Variants in ATP2B1 observed in about 807,000 individuals in gnomAD.
The protein encoded by ATP2B1 is plasma membrane calcium-transporting ATPase 1.
ATP2B1 carries 14 observed loss-of-function variants against 124.2 expected under a neutral mutation model. The ratio of observed to expected loss-of-function variants is 0.11; its 90% CI spans 0.07 to 0.18. The LOEUF is 0.18. Ranked by LOEUF, ATP2B1 falls within the 10% of genes least tolerant of loss-of-function variation. ATP2B1 has a pLI of 1.00. For synonymous variants in ATP2B1, 449 were observed against 492.4 expected (o/e 0.91, Z 1.17); for missense variants, 763 against 1,466.1 (o/e 0.52, Z 7.83).
chr12:89,703,026 G>T (rs1444011454), intron 1 of ATP2B1, among the ~76,000 whole-genome samples: 1 of 152,146 alleles, frequency 6.6e-6, no homozygotes, highest in African/African-American at 2.4e-5. Context: ...TACAAGCTAT[G>T]ATTCCTAAAT....
chr12:89,646,205 G>A (rs1884433012), intron 2 of ATP2B1, among the ~76,000 whole-genome samples: 1 of 151,962 alleles, frequency 6.6e-6, no homozygotes, highest in South Asian at 2.1e-4. Context: ...GGAGGGAGGA[G>A]TTAATGGTTC....
intron 3 of ATP2B1, among the ~76,000 whole-genome samples, chr12:89,636,730 T>C (rs1882772566): frequency 6.6e-6 from 1 of 152,078 alleles, no homozygotes; most frequent in South Asian, 2.1e-4. Context: ...ATGGAAGACT[T>C]GACGTGAACA....
chr12:89,649,424 G>T (rs1401821313), intron 2 of ATP2B1, among the ~76,000 whole-genome samples: 1 of 152,230 alleles, frequency 6.6e-6, no homozygotes, highest in Non-Finnish European at 1.5e-5. Flanking sequence ...TGACTGTCCT[G>T]TTGGGTTTCA....
At chr12:89,639,436 G>A (rs768991032) in intron 3 of ATP2B1, among the ~76,000 whole-genome samples, 1 of 152,088 alleles carries the variant, frequency 6.6e-6, no homozygotes, top group Admixed American at 6.5e-5. Flanking sequence ...CCTTGGAGAT[G>A]GAGGTTGCAG....
chr12:89,675,798 T>C (rs1368486410), intron 1 of ATP2B1, among the ~76,000 whole-genome samples: 2 of 152,298 alleles, frequency 1.3e-5, no homozygotes, highest in African/African-American at 2.4e-5. Context: ...ATTCCAGTGA[T>C]AGGTGTTCTG....
chr12:89,609,745 T>C (rs1209012905), intron 15 of ATP2B1, among the ~76,000 whole-genome samples, 192 bp downstream of exon 15: 1 of 152,200 alleles, frequency 6.6e-6, no homozygotes, highest in Non-Finnish European at 1.5e-5. Context: ...TAGTCAGATT[T>C]CATGACATCA....
rs934915797 is a variant in ATP2B1 at position 89,590,270 on chromosome 12, GT to G, written c.*713del. The stretch of plus-strand genomic sequence containing the variant: ...ACTTCATTAGAACACCACTGCTCAT[GT>G]TTTTTTGTTTTGTTTTGTTTTTTTC... On this transcript the variant is annotated 3_prime_UTR_variant, in exon 21 of 21. Transcript: ENST00000428670. 1 of 152,210 alleles carries G rather than the reference GT, an allele frequency of 6.6e-6. No homozygotes were observed. The highest frequency in any genetic ancestry group is 6.6e-5 in the Admixed American group (1 of 15,224). 9.4% of individuals were successfully genotyped at this position (152,210 alleles called of 1,614,324 possible). A position where few individuals can be genotyped will look rare whatever the true frequency, so the allele number is the denominator to read the frequency against.
chr12:89,673,774 C>T (rs919918003), intron 1 of ATP2B1, among the ~76,000 whole-genome samples: 1 of 152,072 alleles, frequency 6.6e-6, no homozygotes, highest in African/African-American at 2.4e-5. Flanking sequence ...TGATTGAGGG[C>T]TGATGAGGTA....
chr12:89,671,596 A>AC (rs1430436928), intron 1 of ATP2B1, among the ~76,000 whole-genome samples: 1 of 152,112 alleles, frequency 6.6e-6, no homozygotes, highest in Non-Finnish European at 1.5e-5. Context: ...GAGGTAACTA[A>AC]CCGGTCTTTG....
intron 1 of ATP2B1, among the ~76,000 whole-genome samples, chr12:89,665,344 T>C (rs149583792): frequency 7.9e-5 from 12 of 152,316 alleles, no homozygotes; most frequent in East Asian, 5.8e-4. Context: ...TCTGAACATA[T>C]GTTAAATTAC....
At position 89,620,010 on chromosome 12, in the gene ATP2B1, T is replaced by G. The variant is rs1366541604; in HGVS notation, c.1818A>C (p.Ile606=). The change falls in exon 11 of 21, where the codon ATA becomes ATC. Residue 606 remains isoleucine, a synonymous_variant. Transcript: ENST00000428670. ...CATTTTACTCTTACTTTTTCAGAAT[T>G]ATCTCAGATGCACCCTTGCTGAATA... ...YRIFSKGASE[I]ILKKCFKILS... 3.7e-6 allele frequency: 6 copies of G among 1,613,794 alleles called. No homozygotes were observed. The South Asian group carries it at 5.5e-5, about 15-fold the overall frequency.
At chr12:89,598,436 A>G (rs776266009) in intron 20 of ATP2B1, among the ~76,000 whole-genome samples, 16 of 152,246 alleles carry the variant, frequency 1.1e-4, no homozygotes, top group Middle Eastern at 3.4e-3. Flanking sequence ...ATAAAACAAC[A>G]ACGACAACAC....
At chr12:89,616,757 T>C (rs376954933) in intron 12 of ATP2B1, 45 bp downstream of exon 12, 51 of 1,557,166 alleles carry the variant, frequency 3.3e-5, no homozygotes, top group African/African-American at 1.2e-4. Flanking sequence ...AGGTCCTCTA[T>C]AGTTATGAGA....
At chr12:89,627,545 G>A in intron 7 of ATP2B1, 133 bp downstream of exon 7, 5 of 925,580 alleles carry the variant, frequency 5.4e-6, no homozygotes, top group Non-Finnish European at 6.6e-6. Flanking sequence ...CAGGAAGAAA[G>A]GTTAACCCAA....
At chr12:89,602,706 CT>C (rs201875332) in intron 18 of ATP2B1, among the ~76,000 whole-genome samples, 2 of 151,816 alleles carry the variant, frequency 1.3e-5, no homozygotes, top group South Asian at 4.2e-4. Context: ...TAAACCTGAT[CT>C]TTTTTTTGGT....
chr12:89,618,695 G>A (rs1319315035), intron 11 of ATP2B1, among the ~76,000 whole-genome samples: 5 of 152,112 alleles, frequency 3.3e-5, no homozygotes, highest in African/African-American at 1.2e-4. Flanking sequence ...TTCCTCTGCT[G>A]TGGTTTCCCC....
At chr12:89,668,864 A>T (rs1887602288) in intron 1 of ATP2B1, among the ~76,000 whole-genome samples, 1 of 152,170 alleles carries the variant, frequency 6.6e-6, no homozygotes, top group Non-Finnish European at 1.5e-5. Context: ...GACAAGTTCC[A>T]AGTAACAGTC....
intron 2 of ATP2B1, among the ~76,000 whole-genome samples, chr12:89,643,813 G>A (rs1217976244): frequency 6.6e-6 from 1 of 152,236 alleles, no homozygotes; most frequent in Non-Finnish European, 1.5e-5. Context: ...AGAGAAGCCA[G>A]GCACAGTGGC....
intron 1 of ATP2B1, among the ~76,000 whole-genome samples, chr12:89,665,037 G>C (rs1887139538): frequency 6.6e-6 from 1 of 151,966 alleles, no homozygotes. Context: ...CACCATGTTG[G>C]TCAGGATAGT....
Sources: gnomAD v4.1 joint callset for allele counts (sites outside exome capture counted in the v4.1 genomes callset) on GRCh38, gnomAD v4.1.1 for gene constraint, MANE v1.5 for transcripts, NCBI Gene and HGNC (gene_info 2026-07-23, HGNC 2026-07-21) for gene names.